The following DEPDC1B variants were observed in gnomAD, a reference collection of about 807,000 sequenced individuals.
The protein encoded by DEPDC1B is DEP domain containing 1B, also known as DEP domain-containing protein 1B.
A neutral mutation model predicts 66.5 loss-of-function variants in DEPDC1B; 51 were observed. That is an observed-to-expected ratio of 0.77 (90% CI 0.61 to 0.97). The LOEUF is 0.97. DEPDC1B is among the 50% of genes least tolerant of loss of function. DEPDC1B has a pLI of 0.00. For synonymous variants in DEPDC1B, 226 were observed against 223.6 expected (o/e 1.01, Z -0.10); for missense variants, 552 against 637.1 (o/e 0.87, Z 1.44).
intron 8 of DEPDC1B, 69 bp from the exon 9 acceptor site, chr5:60,603,636 G>T: frequency 6.9e-7 from 1 of 1,455,846 alleles, no homozygotes. Context: ...AATCTAATTT[G>T]CAAAAGGCAA....
chr5:60,661,822 G>A (rs926769446), intron 2 of DEPDC1B, among the ~76,000 whole-genome samples: 42 of 152,178 alleles, frequency 2.8e-4, no homozygotes, highest in African/African-American at 9.9e-4. Context: ...TCCCAGTGTA[G>A]ACCCTCATTG....
chr5:60,606,528 T>G (rs1752312759), intron 7 of DEPDC1B, among the ~76,000 whole-genome samples: 1 of 149,510 alleles, frequency 6.7e-6, no homozygotes, highest in South Asian at 2.1e-4. Context: ...ATCTCAGCAC[T>G]TTGAGATGCT....
In DEPDC1B at chr5:60,597,315, G is replaced by T. The variant is rs1318172091; in HGVS notation, c.*438C>A. On this transcript the variant is annotated 3_prime_UTR_variant, in exon 11 of 11. Transcript: ENST00000265036. The stretch of plus-strand genomic sequence containing the variant: ...ATGATAATTGGCTACTAAGTCAATA[G>T]CATCACAGTAACAGTACCCAGTGTC... The T allele has an allele frequency of 6.5e-6, 1 of 153,464 alleles. No homozygotes were observed. Among genetic ancestry groups the T allele is most frequent in the African/African-American group, 2.4e-5 (1 of 41,428 alleles). The allele number at this position is 153,464 out of a possible 1,614,324, so 9.5% of individuals were successfully genotyped here.
chr5:60,607,867 G>A (rs1320662757), intron 7 of DEPDC1B, among the ~76,000 whole-genome samples: 3 of 152,176 alleles, frequency 2.0e-5, no homozygotes, highest in South Asian at 2.1e-4. Flanking sequence ...ACAGGAATGC[G>A]TCCAGCATCA....
Position 60,695,573 on chromosome 5 carries a change from C to T in DEPDC1B, c.48+4473G>A, listed in dbSNP as rs113205597. ...CAACATGAGATTTGGAGGGGATAAA[C>T]GTCCAAACCATATCAAGAGTCAATT... On this transcript the variant is annotated intron_variant, in intron 1 of 10. Transcript: ENST00000265036. 1.2e-3 allele frequency among the ~76,000 whole-genome samples: 190 copies of T among 152,260 alleles called. 2 individuals carry two copies. The highest frequency in any genetic ancestry group is 4.5e-3 in the African/African-American group (189 of 41,548).
chr5:60,654,292 T>C lies in DEPDC1B; in HGVS notation c.315-6759A>G, dbSNP rs1386027936. On this transcript the variant is annotated intron_variant, in intron 2 of 10. Coordinates refer to ENST00000265036, the MANE Select transcript of DEPDC1B (RefSeq NM_018369.3). ...TCTATGATTTCTTTCAGCAGTGTTT[T>C]GTAGTTTTCTTTGTAGAGATCTTTC... is the stretch of plus-strand genomic sequence containing the variant. 3.4e-5 allele frequency among the ~76,000 whole-genome samples: 5 copies of C among 149,044 alleles called. 1 individual carries two copies. Among genetic ancestry groups the C allele is most frequent in the African/African-American group, 1.3e-4 (5 of 39,500 alleles).
chr5:60,610,985 C>T (rs910149326), intron 7 of DEPDC1B, among the ~76,000 whole-genome samples: 1 of 152,108 alleles, frequency 6.6e-6, no homozygotes, highest in African/African-American at 2.4e-5. Context: ...ACAGGTATAA[C>T]CTCGTTTTAC....
intron 7 of DEPDC1B, among the ~76,000 whole-genome samples, chr5:60,610,428 A>C (rs1752392218): frequency 6.6e-6 from 1 of 152,244 alleles, no homozygotes; most frequent in African/African-American, 2.4e-5. Flanking sequence ...TACAACATGA[A>C]TCACATACAA....
At chr5:60,639,151 T>C (rs1265120478) in intron 6 of DEPDC1B, among the ~76,000 whole-genome samples, 1 of 152,182 alleles carries the variant, frequency 6.6e-6, no homozygotes, top group Admixed American at 6.5e-5. Flanking sequence ...ATCACTGGCT[T>C]ACTTCCATTT....
chr5:60,644,518 A>G (rs1397594123), intron 5 of DEPDC1B, among the ~76,000 whole-genome samples: 1 of 152,164 alleles, frequency 6.6e-6, no homozygotes, highest in Non-Finnish European at 1.5e-5. Context: ...GGTGGCTAAC[A>G]CTGAACTAGC....
rs1233870477 is a variant in DEPDC1B, at chr5:60,642,865, G to A, written c.710-6C>T. 18 of 1,608,376 alleles carry A rather than the reference G, an allele frequency of 1.1e-5. No individual in the cohort carries two copies. Among genetic ancestry groups the A allele is most frequent in the Admixed American group, 8.4e-5 (5 of 59,298 alleles). ...CACCCAATGAGGAAGTTCTTCTGAA[G>A]GAAAAAGAAAATTTGTACTCAATTC... On this transcript the variant is annotated splice_region_variant and splice_polypyrimidine_tract_variant and intron_variant, in intron 5 of 10. Coordinates refer to ENST00000265036, the MANE Select transcript of DEPDC1B (RefSeq NM_018369.3).
chr5:60,611,364 A>C (rs754801080), intron 7 of DEPDC1B, among the ~76,000 whole-genome samples: 15 of 152,156 alleles, frequency 9.9e-5, no homozygotes, highest in Non-Finnish European at 1.9e-4. Context: ...AGACACAACA[A>C]TATTGAAATT....
At chr5:60,662,526 A>G (rs1159894577) in intron 2 of DEPDC1B, among the ~76,000 whole-genome samples, 1 of 152,192 alleles carries the variant, frequency 6.6e-6, no homozygotes, top group Non-Finnish European at 1.5e-5. Context: ...AAAGAAGGCC[A>G]CTGCTTTAGT....
chr5:60,621,954 A>G (rs1752713237), intron 7 of DEPDC1B, among the ~76,000 whole-genome samples: 1 of 152,076 alleles, frequency 6.6e-6, no homozygotes, highest in South Asian at 2.1e-4. Flanking sequence ...TACCTTTAGG[A>G]TATTGGCAAT....
intron 1 of DEPDC1B, among the ~76,000 whole-genome samples, chr5:60,697,797 ATCT>A (rs1483332428): frequency 6.6e-6 from 1 of 152,160 alleles, no homozygotes; most frequent in African/African-American, 2.4e-5. Flanking sequence ...CATGTCATTT[ATCT>A]TCTTAACTTA....
In DEPDC1B at chr5:60,687,432, A is replaced by G. The variant is rs150719781; in HGVS notation, c.49-205T>C. On this transcript the variant is annotated intron_variant, in intron 1 of 10. Coordinates refer to ENST00000265036, the MANE Select transcript of DEPDC1B (RefSeq NM_018369.3). ...TGGATGGTGGCAATGGCTGTACAAC[A>G]CTGTGAATGTTCTTAGTGCCATAGA... Among the ~76,000 whole-genome samples the G allele has an allele frequency of 1.3e-4, 20 of 152,286 alleles. No individual in the cohort carries two copies. The East Asian group carries it at 3.7e-3, about 28-fold the overall frequency.
chr5:60,673,274 G>T (rs1209777268), intron 2 of DEPDC1B, among the ~76,000 whole-genome samples: 6 of 152,110 alleles, frequency 3.9e-5, no homozygotes, highest in Admixed American at 6.5e-5. Flanking sequence ...ATTGCAGCAT[G>T]TGAAACAATA....
intron 8 of DEPDC1B, 86 bp downstream of exon 8, chr5:60,605,604 C>T (rs1429723987): frequency 6.9e-7 from 1 of 1,447,110 alleles, no homozygotes; most frequent in South Asian, 1.4e-5. Flanking sequence ...CTGCTTTGTA[C>T]TTCCCTCTGA....
chr5:60,677,295 G>GACACACAC (rs770270774), intron 2 of DEPDC1B, among the ~76,000 whole-genome samples: 304 of 113,728 alleles, frequency 2.7e-3, no homozygotes, highest in African/African-American at 6.7e-3. Context: ...TTTTCATACA[G>GACACACAC]ACACACACAC....
Sources: gnomAD v4.1 joint callset for allele counts (sites outside exome capture counted in the v4.1 genomes callset) on GRCh38, gnomAD v4.1.1 for gene constraint, MANE v1.5 for transcripts, NCBI Gene and HGNC (gene_info 2026-07-23, HGNC 2026-07-21) for gene names.